CASZ1: variants seen among roughly 807,000 people sequenced by gnomAD.
CASZ1 encodes zinc finger protein castor homolog 1.
In CASZ1, 28 loss-of-function variants were observed where a neutral mutation model predicts 135.2. The ratio of observed to expected loss-of-function variants is 0.21; its 90% CI spans 0.15 to 0.28. The LOEUF is 0.28. Among genes scored for constraint, CASZ1 ranks in the 10% least tolerant of loss-of-function variants. The probability of loss-of-function intolerance (pLI) is 1.00; values close to 1 mark genes in which losing one functional copy is unlikely to be tolerated. For missense variants in CASZ1, 2,161 were observed against 2,453.3 expected, an observed-to-expected ratio of 0.88 and a Z score of 2.52; for synonymous variants, 1,068 against 1,073.4, an observed-to-expected ratio of 0.99 and a Z score of 0.10.
chr1:10,733,362 C>T (rs1639736649), intron 2 of CASZ1, among the ~76,000 whole-genome samples: 1 of 152,200 alleles, frequency 6.6e-6, no homozygotes, highest in Non-Finnish European at 1.5e-5. Context: ...AGCTAAACCT[C>T]TGTGTCCAGA....
At position 10,776,539 on chromosome 1, in the gene CASZ1, C is replaced by T. The variant is rs1233810428; in HGVS notation, c.-233-15682G>A. 6.6e-6 allele frequency among the ~76,000 whole-genome samples: 1 copy of T among 152,262 alleles called. No homozygotes were observed. The highest frequency in any genetic ancestry group is 1.5e-5 in the Non-Finnish European group (1 of 68,048). ...AGAGGGCTCTGACACGAGACACATCCAGACAGGCAGTGATCGATAAGCAGG... is the reference window on the plus strand; with the variant it reads ...AGAGGGCTCTGACACGAGACACATCTAGACAGGCAGTGATCGATAAGCAGG... On this transcript the variant is annotated intron_variant, in intron 1 of 20. Transcript: ENST00000377022. This position sits in a 1 kb window ranked among gnomAD's most constrained non-coding sequence, Gnocchi z 4.1.
intron 1 of CASZ1, among the ~76,000 whole-genome samples, chr1:10,784,379 C>G (rs965669801): frequency 6.6e-6 from 1 of 152,202 alleles, no homozygotes; most frequent in Non-Finnish European, 1.5e-5. Context: ...ACCTGAGCTG[C>G]CCAGCACAGG....
chr1:10,682,844 G>A (rs932348060), intron 4 of CASZ1, among the ~76,000 whole-genome samples: 1 of 152,234 alleles, frequency 6.6e-6, no homozygotes, highest in Non-Finnish European at 1.5e-5. Context: ...ACCCCATATG[G>A]CCCTTGGAGG....
In CASZ1 at chr1:10,649,175, A is replaced by T. The variant is rs374260474; in HGVS notation, c.3053T>A (p.Phe1018Tyr). 2.5e-5 allele frequency: 41 copies of T among 1,613,610 alleles called. No homozygotes were observed. Among genetic ancestry groups the T allele is most frequent in the Non-Finnish European group, 3.5e-5 (41 of 1,180,024 alleles). ...GAGGAAGTCACACTGGCCGTCACAG[A>T]AGTCCTTTGTACCAAACCTAGCCAG... Reference protein sequence around the residue: ...VYLRRFGTKDFCDGQCDFLHK... With the variant: ...VYLRRFGTKDYCDGQCDFLHK... Residue 1018 changes from phenylalanine to tyrosine, a missense_variant, in exon 15 of 21, where the codon TTC (phenylalanine) becomes TAC (tyrosine). Phe to Tyr is a conservative substitution (Grantham distance 22, BLOSUM62 3). Around this residue, in one of 7 missense-constraint regions of CASZ1, gnomAD observed 349 missense variants for 460.8 expected, o/e 0.76. Transcript: ENST00000377022.
chr1:10,745,771 A>T (rs1570552010), intron 2 of CASZ1, among the ~76,000 whole-genome samples: 1 of 152,172 alleles, frequency 6.6e-6, no homozygotes, highest in African/African-American at 2.4e-5. Flanking sequence ...GCCATAGGGC[A>T]CCTATGGCCC....
At chr1:10,672,210 T>TCC (rs1033196322) in intron 4 of CASZ1, among the ~76,000 whole-genome samples, 1 of 62,116 alleles carries the variant, frequency 1.6e-5, no homozygotes, top group African/African-American at 6.5e-5. Context: ...TTCTCCCCCC[T>TCC]CCCCCCGCCA....
chr1:10,725,640 T>A lies in CASZ1; in HGVS notation c.-76-20096A>T, dbSNP rs574093252. Reference sequence around the variant, plus strand: ...GAAACTGGAGTTCATTCAGCTACCATGTTACAATCCAGTCACACTCCAGGC... The same window carrying A: ...GAAACTGGAGTTCATTCAGCTACCAAGTTACAATCCAGTCACACTCCAGGC... On this transcript the variant is annotated intron_variant, in intron 2 of 20. Coordinates refer to ENST00000377022, the MANE Select transcript of CASZ1 (RefSeq NM_001079843.3). The surrounding 1 kb of genome is among the most constrained non-coding windows in gnomAD (Gnocchi z 4.4). 2.0e-4 allele frequency among the ~76,000 whole-genome samples: 30 copies of A among 152,260 alleles called. No individual in the cohort carries two copies. The highest frequency in any genetic ancestry group is 3.8e-4 in the Non-Finnish European group (26 of 68,030).
At chr1:10,667,262 G>A (rs181895602) in intron 4 of CASZ1, among the ~76,000 whole-genome samples, 16 of 152,352 alleles carry the variant, frequency 1.1e-4, no homozygotes, top group Middle Eastern at 3.4e-3. Context: ...CTTGTAGCCA[G>A]TGGCCAGTAC....
chr1:10,693,733 G>A (rs959803645), intron 4 of CASZ1, 141 bp downstream of exon 4: 7 of 797,812 alleles, frequency 8.8e-6, no homozygotes, highest in Admixed American at 8.3e-5. Flanking sequence ...TCCCGAGGCC[G>A]GGACGCCGGG....
At chr1:10,710,314 G>T (rs1031946731) in intron 2 of CASZ1, among the ~76,000 whole-genome samples, 2 of 152,060 alleles carry the variant, frequency 1.3e-5, no homozygotes, top group African/African-American at 4.8e-5. Flanking sequence ...GACTTCAATG[G>T]TGAATTCGAG....
rs451911 is a variant in CASZ1 at position 10,747,879 on chromosome 1, T to C, written c.-77+12822A>G. Among the ~76,000 whole-genome samples the C allele has an allele frequency of 0.42, 62,991 of 150,420 alleles. 15,912 individuals are homozygous for C. Among genetic ancestry groups the C allele is most frequent in the African/African-American group, 0.72 (29,367 of 40,716 alleles). ...CCGCCCAGGCTGGAGTGCAGTGGTG[T>C]GATCTCAGCTCACTGCAAGCTCCGC... On this transcript the variant is annotated intron_variant, in intron 2 of 20. Transcript: ENST00000377022. This position sits in a 1 kb window ranked among gnomAD's most constrained non-coding sequence, Gnocchi z 4.3.
intron 4 of CASZ1, among the ~76,000 whole-genome samples, chr1:10,691,446 T>C (rs1323718280): frequency 3.3e-5 from 5 of 152,162 alleles, no homozygotes; most frequent in Admixed American, 1.3e-4. Flanking sequence ...CTTCAGGACC[T>C]AGATGTGTCC....
intron 18 of CASZ1, 28 bp downstream of exon 18, chr1:10,644,862 GCCATGGTCTTGATGCCTGCTGCAAGTC>G: frequency 6.4e-7 from 1 of 1,556,074 alleles, no homozygotes; most frequent in South Asian, 1.2e-5. Context: ...GGCCACGGGG[GCCATGGTCTTGATGCCTGCTGCAAGTC>G]CCTGCCCGCA....
chr1:10,696,607 G>A lies in CASZ1; in HGVS notation c.-23-2695C>T, dbSNP rs925625476. Among the ~76,000 whole-genome samples the A allele has an allele frequency of 3.9e-5, 6 of 152,372 alleles. No individual in the cohort carries two copies. In the South Asian group the frequency reaches 1.2e-3, roughly 32 times the overall value. On this transcript the variant is annotated intron_variant, in intron 3 of 20. Coordinates refer to ENST00000377022, the MANE Select transcript of CASZ1 (RefSeq NM_001079843.3). ...AGGCTTGCAGCTCTGGCTGGTGACA[G>A]CAGGTGATCAATCCCCACCCCAATT...
intron 4 of CASZ1, among the ~76,000 whole-genome samples, chr1:10,673,641 C>T (rs545402996): frequency 4.7e-4 from 72 of 152,276 alleles, no homozygotes; most frequent in Non-Finnish European, 2.1e-4. Flanking sequence ...TTTAGGGAAA[C>T]GCGCTGCTTG....
chr1:10,736,091 C>T (rs1300463690), intron 2 of CASZ1, among the ~76,000 whole-genome samples: 1 of 152,206 alleles, frequency 6.6e-6, no homozygotes, highest in Admixed American at 6.5e-5. Context: ...CACCCAACCC[C>T]ACCCACCTGT....
Position 10,653,627 on chromosome 1 carries a change from G to T in CASZ1, c.2430C>A (p.Ser810Arg). The change falls in exon 11 of 21, where the codon AGC (serine) becomes AGA (arginine). Residue 810 changes from serine (S) to arginine (R), a missense_variant. Coordinates refer to ENST00000377022, the MANE Select transcript of CASZ1 (RefSeq NM_001079843.3). ...TGGGGGTGCCCACAGGCAGGGAGGT[G>T]CTCCCACGGCCAGCCAGTATGGGGA... ...PYFPILAGRG[S>R]TSLPVGTPSL... The T allele has an allele frequency of 6.5e-7, 1 of 1,549,236 alleles. No individual in the cohort carries two copies.
chr1:10,673,857 CATG>C (rs1643482233), intron 4 of CASZ1, among the ~76,000 whole-genome samples: 1 of 152,204 alleles, frequency 6.6e-6, no homozygotes, highest in Non-Finnish European at 1.5e-5. Flanking sequence ...CAGGACCATC[CATG>C]CCTCGGGCTG....
Position 10,726,198 on chromosome 1 carries a change from G to A in CASZ1, c.-76-20654C>T, listed in dbSNP as rs1243615116. On this transcript the variant is annotated intron_variant, in intron 2 of 20. Transcript: ENST00000377022. This position sits in a 1 kb window ranked among gnomAD's most constrained non-coding sequence, Gnocchi z 5.7. ...TGGAGGGCTGACCGCGTCCCAGGCA[G>A]AGTGAAGTCGGTTTTATAAACCACC... 6.6e-6 allele frequency among the ~76,000 whole-genome samples: 1 copy of A among 152,150 alleles called. No homozygotes were observed. The highest frequency in any genetic ancestry group is 1.5e-5 in the Non-Finnish European group (1 of 68,032).
Sources: gnomAD v4.1 joint callset for allele counts (sites outside exome capture counted in the v4.1 genomes callset) on GRCh38, gnomAD v4.1.1 for gene constraint, gnomAD v4.1.1 regional missense constraint, Gnocchi (gnomAD v3.1) non-coding constraint, MANE v1.5 for transcripts, NCBI Gene and HGNC (gene_info 2026-07-23, HGNC 2026-07-21) for gene names.